LCORL: variants seen among roughly 807,000 people sequenced by gnomAD.
LCORL encodes ligand dependent nuclear receptor corepressor like.
LCORL carries 41 observed loss-of-function variants against 141.8 expected under a neutral mutation model. The ratio of observed to expected loss-of-function variants is 0.29; its 90% CI spans 0.23 to 0.38. LCORL has a LOEUF of 0.38. Among genes scored for constraint, LCORL ranks in the 10% least tolerant of loss-of-function variants. LCORL has a pLI of 1.00. For synonymous variants in LCORL, 618 were observed against 694.1 expected, an observed-to-expected ratio of 0.89 and a Z score of 1.72; for missense variants, 1,759 against 2,035.0, an observed-to-expected ratio of 0.86 and a Z score of 2.61.
rs1726614096 is a variant in LCORL, at chr4:17,873,671, T to TA, written c.5318dup (p.Leu1773PhefsTer7). The TA allele has an allele frequency of 8.1e-7, 1 of 1,234,004 alleles. No homozygotes were observed. The highest frequency in any genetic ancestry group is 1.0e-6 in the Non-Finnish European group (1 of 987,930). The allele number at this position is 1,234,004 out of a possible 1,614,324, so 76.4% of individuals were successfully genotyped here. On this transcript the variant is annotated frameshift_variant, in exon 7 of 8. Transcript: ENST00000635767. LOFTEE classifies it high-confidence loss of function. The stretch of plus-strand genomic sequence containing the variant: ...AATTTTGCCTAGCAGAATGAGATCT[T>TA]AAAGTAAAGCGCTTTGATTCTTCCA...
intron 1 of LCORL, among the ~76,000 whole-genome samples, chr4:17,987,945 T>C (rs946233990): frequency 6.6e-6 from 1 of 152,216 alleles, no homozygotes; most frequent in African/African-American, 2.4e-5. Context: ...TTTTTCTTGA[T>C]ACAGGATGAT....
At chr4:17,930,644 T>C (rs890024605) in intron 4 of LCORL, among the ~76,000 whole-genome samples, 2 of 152,326 alleles carry the variant, frequency 1.3e-5, no homozygotes, top group South Asian at 4.1e-4. Flanking sequence ...ATGGAATAAA[T>C]GTCATGACTG....
chr4:17,900,336 G>C (rs1377485281), intron 5 of LCORL, among the ~76,000 whole-genome samples: 1 of 152,020 alleles, frequency 6.6e-6, no homozygotes, highest in Non-Finnish European at 1.5e-5. Flanking sequence ...TTTTCATACA[G>C]TTCCTCAAAT....
chr4:17,863,399 A>C (rs934847648), intron 7 of LCORL, among the ~76,000 whole-genome samples: 1 of 152,232 alleles, frequency 6.6e-6, no homozygotes, highest in African/African-American at 2.4e-5. Context: ...AAAATGCTCA[A>C]TATCACTAAT....
intron 1 of LCORL, among the ~76,000 whole-genome samples, chr4:18,018,863 T>C (rs568808039): frequency 2.0e-5 from 3 of 152,296 alleles, no homozygotes; most frequent in Non-Finnish European, 2.9e-5. Context: ...GAATATTATA[T>C]ATATACTGAA....
intron 1 of LCORL, among the ~76,000 whole-genome samples, chr4:17,988,709 G>A (rs533291069): frequency 7.9e-5 from 12 of 152,130 alleles, no homozygotes; most frequent in South Asian, 4.2e-4. Flanking sequence ...GTTTCTGGCC[G>A]GGCGTGGCAG....
In LCORL at chr4:18,021,806, A is replaced by C. The variant is rs1725666757; in HGVS notation, c.-55T>G. The C allele has an allele frequency of 5.7e-6, 8 of 1,415,178 alleles. No homozygotes were observed. The highest frequency in any genetic ancestry group is 7.3e-6 in the Non-Finnish European group (8 of 1,092,962). The allele number at this position is 1,415,178 out of a possible 1,614,324, so 87.7% of individuals were successfully genotyped here. A position where few individuals can be genotyped will look rare whatever the true frequency, so the allele number is the denominator to read the frequency against. On this transcript the variant is annotated 5_prime_UTR_variant, in exon 1 of 8. Coordinates refer to ENST00000635767, the Ensembl canonical transcript of LCORL. The surrounding 1 kb of genome is among the most constrained non-coding windows in gnomAD (Gnocchi z 5.5). ...CATACGAGCAGCGCAGGCACGAGGC[A>C]GGGGCGCGAGCCCTCGGCGCGAGCC...
chr4:17,963,053 T>TAAAA lies in LCORL; in HGVS notation c.221-8_221-5dup. 1.3e-6 allele frequency: 2 copies of TAAAA among 1,556,342 alleles called. No homozygotes were observed. Among genetic ancestry groups the TAAAA allele is most frequent in the Non-Finnish European group, 1.7e-6 (2 of 1,143,620 alleles). On this transcript the variant is annotated splice_polypyrimidine_tract_variant and splice_region_variant and intron_variant, in intron 2 of 7. Coordinates refer to ENST00000635767, the Ensembl canonical transcript of LCORL. ...GTCAGCTCTTCTGGTTCACAGTCTT[T>TAAAA]AAAAGAGGGAAAAAATTCATTAAAT...
Position 18,021,351 on chromosome 4 carries a change from G to A in LCORL, c.154+247C>T, listed in dbSNP as rs1395746440. Among the ~76,000 whole-genome samples, 8 of 152,130 alleles carry A rather than the reference G, an allele frequency of 5.3e-5. No individual in the cohort carries two copies. The highest frequency in any genetic ancestry group is 3.3e-4 in the Admixed American group (5 of 15,286). On this transcript the variant is annotated intron_variant, in intron 1 of 7. Coordinates refer to ENST00000635767, the Ensembl canonical transcript of LCORL. This position sits in a 1 kb window ranked among gnomAD's most constrained non-coding sequence, Gnocchi z 5.5. ...GGCTTCCGCGGGGGCTCAGCAAGCG[G>A]GTCCAAACTAACAGTTCCCGGGGAG...
At chr4:17,876,614 A>T (rs1239765261) in exon 7 of LCORL, 1 of 1,230,650 alleles carries the variant, frequency 8.1e-7, no homozygotes, top group East Asian at 3.2e-5. Flanking sequence ...GGGATTTTTT[A>T]AAAACATAAT....
Position 17,882,508 on chromosome 4 carries a change from C to T in LCORL, c.776+3560G>A, listed in dbSNP as rs952327966. The T allele has an allele frequency of 9.1e-6, 9 of 984,332 alleles. No individual in the cohort carries two copies. In the South Asian group the frequency reaches 2.8e-4, roughly 31 times the overall value. 61.0% of individuals were successfully genotyped at this position (984,332 alleles called of 1,614,324 possible). On this transcript the variant is annotated intron_variant, in intron 6 of 7. Coordinates refer to ENST00000635767, the Ensembl canonical transcript of LCORL. ...TGAGTCTAGTAAAAGTTAAAATGCA[C>T]TGCCCAGCTTCTAACTACCCAATTA...
At chr4:17,940,873 T>C (rs1006182867) in intron 4 of LCORL, among the ~76,000 whole-genome samples, 7 of 152,186 alleles carry the variant, frequency 4.6e-5, no homozygotes, top group Admixed American at 1.3e-4. Flanking sequence ...TATAAAAATC[T>C]GATAAATAGT....
intron 1 of LCORL, among the ~76,000 whole-genome samples, chr4:17,984,870 C>A (rs1023508849): frequency 1.3e-5 from 2 of 151,976 alleles, no homozygotes; most frequent in South Asian, 4.1e-4. Flanking sequence ...AATTTGAGAT[C>A]TAACTTTTGA....
intron 7 of LCORL, among the ~76,000 whole-genome samples, chr4:17,867,608 A>T (rs1013971081): frequency 1.1e-4 from 17 of 152,246 alleles, no homozygotes; most frequent in African/African-American, 3.1e-4. Flanking sequence ...TATGTTGCCA[A>T]AGTAAAAACT....
chr4:17,941,114 C>T (rs1480686394), intron 4 of LCORL, among the ~76,000 whole-genome samples: 2 of 152,132 alleles, frequency 1.3e-5, no homozygotes, highest in Non-Finnish European at 2.9e-5. Flanking sequence ...CTGTGGCTCA[C>T]GCCTGTAATG....
chr4:17,909,382 G>C (rs1328187750), intron 4 of LCORL, 37 bp from the exon 5 acceptor site: 5 of 1,450,424 alleles, frequency 3.4e-6, no homozygotes, highest in Non-Finnish European at 4.6e-6. Flanking sequence ...ATTTTAAAAA[G>C]AGAAAGGCAA....
chr4:18,009,115 A>G (rs891683067), intron 1 of LCORL, among the ~76,000 whole-genome samples: 5 of 152,094 alleles, frequency 3.3e-5, no homozygotes, highest in African/African-American at 1.2e-4. Flanking sequence ...GTGTATGTAT[A>G]CATACACATA....
intron 1 of LCORL, among the ~76,000 whole-genome samples, chr4:17,988,088 A>G (rs1455889235): frequency 1.3e-5 from 2 of 152,026 alleles, no homozygotes; most frequent in African/African-American, 4.8e-5. Flanking sequence ...ATAGTCTCTG[A>G]TATTTGATGC....
intron 1 of LCORL, among the ~76,000 whole-genome samples, chr4:17,990,696 G>A (rs2109774895): frequency 6.7e-6 from 1 of 149,688 alleles, no homozygotes; most frequent in South Asian, 2.1e-4. Flanking sequence ...ACAGGTACAG[G>A]TAAGCAGGTC....
Sources: allele counts gnomAD v4.1 joint callset (sites outside exome capture counted in the v4.1 genomes callset), GRCh38; gene constraint gnomAD v4.1.1; non-coding constraint Gnocchi (gnomAD v3.1); transcripts MANE v1.5; gene names NCBI Gene and HGNC (gene_info 2026-07-23, HGNC 2026-07-21).